Variants in POLR1A observed in about 807,000 individuals in gnomAD.
POLR1A encodes the protein DNA-directed RNA polymerase I subunit RPA1.
A neutral mutation model predicts 205.3 loss-of-function variants in POLR1A; 84 were observed. That is an observed-to-expected ratio of 0.41 (90% CI 0.34 to 0.49). The LOEUF is 0.49. POLR1A is among the 20% of genes least tolerant of loss of function. POLR1A has a pLI of 0.22. For synonymous variants in POLR1A, 799 were observed against 863.7 expected (o/e 0.93, Z 1.31); for missense variants, 1,645 against 2,204.5 (o/e 0.75, Z 5.08).
chr2:86,033,849 T>G, intron 27 of POLR1A, 62 bp from the exon 28 acceptor site: 3 of 1,590,494 alleles, frequency 1.9e-6, no homozygotes, highest in Non-Finnish European at 2.6e-6. Context: ...CCTACCCTCA[T>G]TTGGGGGATA....
Position 86,070,502 on chromosome 2 carries a change from A to G in POLR1A, c.1612-230T>C, listed in dbSNP as rs188663185. 9.2e-5 allele frequency among the ~76,000 whole-genome samples: 14 copies of G among 152,338 alleles called. No homozygotes were observed. Among genetic ancestry groups the G allele is most frequent in the African/African-American group, 3.1e-4 (13 of 41,566 alleles). On this transcript the variant is annotated intron_variant, in intron 12 of 33. Coordinates refer to ENST00000263857, the MANE Select transcript of POLR1A (RefSeq NM_015425.6). The surrounding 1 kb of genome is among the most constrained non-coding windows in gnomAD (Gnocchi z 4.4). ...CAACCCTGATCCTGGCTCTAGGCTC[A>G]GAAGTATAAGGAACAAATAAGACCA...
Position 86,070,698 on chromosome 2 carries a change from C to G in POLR1A, c.1612-426G>C, listed in dbSNP as rs1004592476. Among the ~76,000 whole-genome samples, 3 of 27,178 alleles carry G rather than the reference C, an allele frequency of 1.1e-4. No individual in the cohort carries two copies. The highest frequency in any genetic ancestry group is 2.1e-4 in the African/African-American group (3 of 14,354). 17.8% of individuals were successfully genotyped at this position (27,178 alleles called of 152,430 possible). Reference sequence around the variant, plus strand: ...AAGGCATTGGCAGACTTTCGAATCCCCCCCCCGCCGTGATCACATGTGAGT... The same window carrying G: ...AAGGCATTGGCAGACTTTCGAATCCGCCCCCCGCCGTGATCACATGTGAGT... On this transcript the variant is annotated intron_variant, in intron 12 of 33. Coordinates refer to ENST00000263857, the MANE Select transcript of POLR1A (RefSeq NM_015425.6). The surrounding 1 kb of genome is among the most constrained non-coding windows in gnomAD (Gnocchi z 4.4).
intron 16 of POLR1A, 59 bp downstream of exon 16, chr2:86,052,758 G>C (rs1025631304): frequency 9.6e-6 from 13 of 1,350,996 alleles, no homozygotes; most frequent in Non-Finnish European, 1.3e-5. Context: ...GGGCCTGGGA[G>C]ATGGCCAGGC....
intron 23 of POLR1A, 59 bp downstream of exon 23, chr2:86,042,915 T>G: frequency 8.0e-7 from 1 of 1,244,308 alleles, no homozygotes; most frequent in South Asian, 1.2e-5. Flanking sequence ...CCCTCATCCC[T>G]CACCCACTGA....
intron 12 of POLR1A, among the ~76,000 whole-genome samples, chr2:86,074,181 T>C (rs1229680511): frequency 6.6e-6 from 1 of 152,142 alleles, no homozygotes; most frequent in Admixed American, 6.5e-5. Context: ...CCTTTTCCTC[T>C]CGGTTCCTCC....
At position 86,021,502 on chromosome 2, in the gene POLR1A, T is replaced by C. The variant is rs1244183278; in HGVS notation, c.*5921A>G. On this transcript the variant is annotated 3_prime_UTR_variant, in exon 34 of 34. Coordinates refer to ENST00000263857, the MANE Select transcript of POLR1A (RefSeq NM_015425.6). ...GTTGAACACCCAAGTACCTCCCCAC[T>C]GTCCTCTCCACTCTGTCCTTCCTAC... The C allele has an allele frequency of 6.6e-6, 1 of 152,408 alleles. No individual in the cohort carries two copies. Among genetic ancestry groups the C allele is most frequent in the Non-Finnish European group, 1.5e-5 (1 of 68,196 alleles). The allele number at this position is 152,408 out of a possible 1,614,324, so 9.4% of individuals were successfully genotyped here.
chr2:86,101,413 G>A (rs1009828854), intron 1 of POLR1A, among the ~76,000 whole-genome samples: 2 of 152,138 alleles, frequency 1.3e-5, no homozygotes, highest in African/African-American at 4.8e-5. Context: ...TATGTTGCAT[G>A]GCCAGTGTCA....
chr2:86,083,367 T>C (rs1372685836), intron 6 of POLR1A, among the ~76,000 whole-genome samples, 199 bp from the exon 7 acceptor site: 1 of 145,562 alleles, frequency 6.9e-6, no homozygotes, highest in Non-Finnish European at 1.5e-5. Context: ...GGCTATTGTA[T>C]AAAACCTAAA....
chr2:86,084,197 C>A (rs192825198), intron 6 of POLR1A, among the ~76,000 whole-genome samples: 1 of 152,112 alleles, frequency 6.6e-6, no homozygotes, highest in African/African-American at 2.4e-5. Context: ...ACCCAGGAGG[C>A]GGAGCTTGCA....
At chr2:86,027,820 G>T in intron 33 of POLR1A, 65 bp downstream of exon 33, 1 of 1,550,292 alleles carries the variant, frequency 6.5e-7, no homozygotes, top group Non-Finnish European at 8.9e-7. Flanking sequence ...AGATGCCCAT[G>T]GGTGAGCCCG....
chr2:86,082,757 G>A (rs1346577125), intron 7 of POLR1A, among the ~76,000 whole-genome samples: 1 of 152,190 alleles, frequency 6.6e-6, no homozygotes, highest in Admixed American at 6.5e-5. Flanking sequence ...GAAGGACAAA[G>A]CATTTTACTT....
At chr2:86,084,665 C>CTT (rs546893329) in intron 6 of POLR1A, among the ~76,000 whole-genome samples, 17 of 127,600 alleles carry the variant, frequency 1.3e-4, no homozygotes, top group East Asian at 2.4e-4. Flanking sequence ...TTGCCTTTTC[C>CTT]TTTTTTTTTT....
chr2:86,078,288 GAAGATGAAACC>G lies in POLR1A; in HGVS notation c.1087-15_1087-5del, dbSNP rs980499946. 1.3e-6 allele frequency: 2 copies of G among 1,560,688 alleles called. No individual in the cohort carries two copies. Among genetic ancestry groups the G allele is most frequent in the African/African-American group, 1.4e-5 (1 of 71,952 alleles). On this transcript the variant is annotated splice_region_variant and splice_polypyrimidine_tract_variant and intron_variant, in intron 9 of 33. Transcript: ENST00000263857. ...TAGCAATCAAAGAGTCTTTTTCCTG[GAAGATGAAACC>G]AAGAAAACAGGGATGATGGAAAAAA...
In POLR1A at chr2:86,026,952, C is replaced by A. The variant is rs1573797890; in HGVS notation, c.*471G>T. ...TTGGGCAGCAGGCTCCACGTTCCTG[C>A]TCATCGGGAGCCCCCAGGAATCTTG... On this transcript the variant is annotated 3_prime_UTR_variant, in exon 34 of 34. Transcript: ENST00000263857. 5.6e-6 allele frequency: 1 copy of A among 179,238 alleles called. No individual in the cohort carries two copies. Among genetic ancestry groups the A allele is most frequent in the African/African-American group, 2.3e-5 (1 of 42,696 alleles). The allele number at this position is 179,238 out of a possible 1,614,324, so 11.1% of individuals were successfully genotyped here. A position where few individuals can be genotyped will look rare whatever the true frequency, so the allele number is the denominator to read the frequency against.
At position 86,088,613 on chromosome 2, in the gene POLR1A, G is replaced by A; in HGVS notation, c.683C>T (p.Pro228Leu). Residue 228 changes from proline to leucine, a missense_variant, in exon 6 of 34, where the codon CCA becomes CTA. Around this residue, in one of 16 missense-constraint regions of POLR1A, gnomAD observed 330 missense variants for 375.6 expected, o/e 0.88. Coordinates refer to ENST00000263857, the MANE Select transcript of POLR1A (RefSeq NM_015425.6). ...EHNSKLTITFPAMVHRTAGQK... is the reference protein window; with the variant it reads ...EHNSKLTITFLAMVHRTAGQK... ...GCCAGCTGTCCTGTGCACCATGGCT[G>A]GAAACGTGATAGTCAACTTGCTGTT... 1 of 1,614,068 alleles carries A rather than the reference G, an allele frequency of 6.2e-7. No individual in the cohort carries two copies. The highest frequency in any genetic ancestry group is 8.5e-7 in the Non-Finnish European group (1 of 1,179,876).
chr2:86,071,245 T>C (rs1274249105), intron 12 of POLR1A, among the ~76,000 whole-genome samples: 6 of 150,672 alleles, frequency 4.0e-5, no homozygotes, highest in South Asian at 2.1e-4. Context: ...TGTGTGTGTG[T>C]GTGTGTGTGT....
chr2:86,044,105 C>A, intron 22 of POLR1A, 34 bp downstream of exon 22: 1 of 1,608,402 alleles, frequency 6.2e-7, no homozygotes, highest in Non-Finnish European at 8.5e-7. Flanking sequence ...AGGCCTACTG[C>A]TCGGCCCCCA....
chr2:86,084,389 C>G lies in POLR1A; in HGVS notation c.731-1221G>C, dbSNP rs558627190. ...CCGAGATCGTATCGCTGCACTCCAG[C>G]CTGGATGACAAAGTGAGACCCTGTC... On this transcript the variant is annotated intron_variant, in intron 6 of 33. Transcript: ENST00000263857. Among the ~76,000 whole-genome samples the G allele has an allele frequency of 2.6e-5, 4 of 151,798 alleles. No individual in the cohort carries two copies. In the East Asian group the frequency reaches 7.8e-4, roughly 29 times the overall value.
chr2:86,039,608 C>A (rs1306418652), intron 25 of POLR1A, 146 bp from the exon 26 acceptor site: 15 of 990,076 alleles, frequency 1.5e-5, no homozygotes, highest in Non-Finnish European at 2.1e-5. Context: ...ATCAGAGAAT[C>A]CCAGCTCTGG....
Sources: gnomAD v4.1 joint callset for allele counts (sites outside exome capture counted in the v4.1 genomes callset) on GRCh38, gnomAD v4.1.1 for gene constraint, gnomAD v4.1.1 regional missense constraint, Gnocchi (gnomAD v3.1) non-coding constraint, MANE v1.5 for transcripts, NCBI Gene and HGNC (gene_info 2026-07-23, HGNC 2026-07-21) for gene names.